The following CACNA1D variants were observed in gnomAD, a reference collection of about 807,000 sequenced individuals.
CACNA1D encodes voltage-dependent L-type calcium channel subunit alpha-1D.
In CACNA1D, 55 loss-of-function variants were observed where a neutral mutation model predicts 257.1. The observed-to-expected ratio is 0.21, with a 90% confidence interval of 0.17 to 0.27. CACNA1D has a LOEUF of 0.27. Among genes scored for constraint, CACNA1D ranks in the 10% least tolerant of loss-of-function variants. The pLI, the probability that CACNA1D is intolerant of heterozygous loss-of-function variation, is 1.00. For synonymous variants in CACNA1D, 980 were observed against 1,014.9 expected (o/e 0.97, Z 0.65); for missense variants, 1,876 against 2,784.0 (o/e 0.67, Z 7.34).
At chr3:53,594,161 A>G (rs997786968) in intron 3 of CACNA1D, among the ~76,000 whole-genome samples, 2 of 152,228 alleles carry the variant, frequency 1.3e-5, no homozygotes, top group African/African-American at 2.4e-5. Context: ...GCTTTCACCC[A>G]TAAGTGTGAA....
In CACNA1D at chr3:53,719,777, C is replaced by G; in HGVS notation, c.1501C>G (p.Leu501Val). 1 of 1,613,782 alleles carries G rather than the reference C, an allele frequency of 6.2e-7. No homozygotes were observed. The highest frequency in any genetic ancestry group is 8.5e-7 in the Non-Finnish European group (1 of 1,179,640). Residue 501 changes from leucine to valine, a missense_variant, in exon 11 of 48, where the codon CTC becomes GTC. This residue lies in a region of CACNA1D where 257 missense variants were observed against 399.7 expected (regional missense o/e 0.64). Coordinates refer to ENST00000350061, the MANE Select transcript of CACNA1D (RefSeq NM_001128840.3). ...CAGTCAAGCCATCTCAAAATCCAAA[C>G]TCAGGTCAGTATCTTCTTTCTGTTT... ...SLCQAISKSK[L>V]SRRWRRWNRF...
At chr3:53,667,393 A>G (rs1292183183) in intron 7 of CACNA1D, among the ~76,000 whole-genome samples, 1 of 144,970 alleles carries the variant, frequency 6.9e-6, no homozygotes, top group Non-Finnish European at 1.5e-5. Flanking sequence ...GTTGCTGGTA[A>G]AGACAGCTAA....
intron 7 of CACNA1D, among the ~76,000 whole-genome samples, chr3:53,672,399 G>A (rs1013572438): frequency 1.9e-4 from 29 of 152,178 alleles, no homozygotes; most frequent in African/African-American, 7.0e-4. Flanking sequence ...CATTCATTTT[G>A]TTTGCACTCA....
intron 3 of CACNA1D, among the ~76,000 whole-genome samples, chr3:53,611,639 T>G (rs181397545): frequency 1.3e-5 from 2 of 152,220 alleles, no homozygotes; most frequent in Admixed American, 1.3e-4. Context: ...TTCGATTACA[T>G]GTATTAACCC....
In CACNA1D at chr3:53,497,587, A is replaced by G. The variant is rs549064626; in HGVS notation, c.377+126A>G. ...AATGCGAGTAACAGAAGTTGTATAT[A>G]AGGGGTTTCATTGTATATACCTTCC... On this transcript the variant is annotated intron_variant, in intron 2 of 47. Coordinates refer to ENST00000350061, the MANE Select transcript of CACNA1D (RefSeq NM_001128840.3). 1.1e-4 allele frequency: 104 copies of G among 970,554 alleles called. No homozygotes were observed. In the African/African-American group the frequency reaches 1.6e-3, roughly 15 times the overall value. The allele number at this position is 970,554 out of a possible 1,614,324, so 60.1% of individuals were successfully genotyped here.
chr3:53,681,277 G>A (rs2094427335), intron 8 of CACNA1D, among the ~76,000 whole-genome samples: 1 of 152,228 alleles, frequency 6.6e-6, no homozygotes, highest in African/African-American at 2.4e-5. Context: ...TGCTAGAAGA[G>A]CATTGGAGAA....
intron 37 of CACNA1D, among the ~76,000 whole-genome samples, chr3:53,778,468 G>A (rs150479489): frequency 6.6e-6 from 1 of 152,184 alleles, no homozygotes; most frequent in Non-Finnish European, 1.5e-5. Flanking sequence ...GGGTGGGATG[G>A]ACTTATGCAG....
At chr3:53,574,640 A>T (rs144809292) in intron 3 of CACNA1D, among the ~76,000 whole-genome samples, 1 of 151,990 alleles carries the variant, frequency 6.6e-6, no homozygotes, top group African/African-American at 2.4e-5. Context: ...TCCCTTGGGG[A>T]GCTGTGGCAT....
chr3:53,672,532 T>C (rs1312533816), intron 7 of CACNA1D, among the ~76,000 whole-genome samples: 1 of 152,176 alleles, frequency 6.6e-6, no homozygotes, highest in African/African-American at 2.4e-5. Flanking sequence ...CAAGTTTGTC[T>C]CTATAATTAA....
At chr3:53,792,585 TG>T (rs1314047618) in intron 40 of CACNA1D, among the ~76,000 whole-genome samples, 2 of 152,048 alleles carry the variant, frequency 1.3e-5, no homozygotes, top group Non-Finnish European at 2.9e-5. Context: ...CAGCAAACTC[TG>T]GGGGGCCCTA....
chr3:53,578,294 G>A (rs932933548), intron 3 of CACNA1D, among the ~76,000 whole-genome samples: 1 of 152,158 alleles, frequency 6.6e-6, no homozygotes, highest in African/African-American at 2.4e-5. Context: ...CCAGGCCTGA[G>A]GAGGGGTGTG....
At chr3:53,720,991 A>T (rs1295124305) in intron 11 of CACNA1D, among the ~76,000 whole-genome samples, 1 of 152,248 alleles carries the variant, frequency 6.6e-6, no homozygotes, top group East Asian at 1.9e-4. Context: ...GCTTACCCCA[A>T]GCTGGAAGTA....
intron 9 of CACNA1D, among the ~76,000 whole-genome samples, chr3:53,715,851 C>T (rs1040418751): frequency 5.3e-5 from 8 of 152,082 alleles, no homozygotes; most frequent in East Asian, 3.9e-4. Context: ...TTGGGGAGTT[C>T]GATTTTACTT....
At chr3:53,687,864 A>G (rs1023440134) in intron 8 of CACNA1D, among the ~76,000 whole-genome samples, 6 of 152,250 alleles carry the variant, frequency 3.9e-5, no homozygotes, top group African/African-American at 1.4e-4. Flanking sequence ...GTCATAAACC[A>G]TCAGGGAAGT....
At chr3:53,545,416 GTGTAAAACGGA>G (rs1179965958) in intron 3 of CACNA1D, among the ~76,000 whole-genome samples, 2 of 152,196 alleles carry the variant, frequency 1.3e-5, no homozygotes, top group Non-Finnish European at 2.9e-5. Flanking sequence ...CACATGTGGT[GTGTAAAACGGA>G]TGTACCTCGA....
chr3:53,544,548 A>C (rs927679193), intron 3 of CACNA1D, among the ~76,000 whole-genome samples: 3 of 152,138 alleles, frequency 2.0e-5, no homozygotes, highest in African/African-American at 7.2e-5. Context: ...GGAAAAATCA[A>C]ATGGGACTTT....
At chr3:53,734,298 C>T (rs977704034) in intron 19 of CACNA1D, among the ~76,000 whole-genome samples, 1 of 151,176 alleles carries the variant, frequency 6.6e-6, no homozygotes, top group African/African-American at 2.4e-5. Flanking sequence ...TTATAGAATA[C>T]AGGAATACAG....
intron 3 of CACNA1D, among the ~76,000 whole-genome samples, chr3:53,596,479 A>G (rs2093371878): frequency 6.6e-6 from 1 of 152,174 alleles, no homozygotes; most frequent in African/African-American, 2.4e-5. Flanking sequence ...ACCTGTGAGT[A>G]TGTTACCTTA....
chr3:53,545,877 T>TC (rs1289279012), intron 3 of CACNA1D, among the ~76,000 whole-genome samples: 11 of 152,286 alleles, frequency 7.2e-5, no homozygotes, highest in African/African-American at 2.4e-4. Flanking sequence ...TAATTCTTTT[T>TC]CTGCAAGCCC....
Sources: allele counts gnomAD v4.1 joint callset (sites outside exome capture counted in the v4.1 genomes callset), GRCh38; gene constraint gnomAD v4.1.1; regional missense constraint gnomAD v4.1.1; transcripts MANE v1.5; gene names NCBI Gene and HGNC (gene_info 2026-07-23, HGNC 2026-07-21).